ACTN4: variants seen among roughly 807,000 people sequenced by gnomAD.
The protein encoded by ACTN4 is actinin alpha 4, also known as alpha-actinin-4.
A neutral mutation model predicts 114.2 loss-of-function variants in ACTN4; 18 were observed. That is an observed-to-expected ratio of 0.16 (90% CI 0.11 to 0.23). The LOEUF (loss-of-function observed/expected upper bound fraction) is 0.23, where lower values mean the gene tolerates loss of function less well. ACTN4 is among the 10% of genes least tolerant of loss of function. The pLI is 1.00. For missense variants in ACTN4, 722 were observed against 1,262.9 expected (o/e 0.57, Z 6.49); for synonymous variants, 515 against 506.3 (o/e 1.02, Z -0.23).
rs143746503 is a variant in ACTN4 at position 38,710,113 on chromosome 19, G to A, written c.734-144G>A. 251 of 830,702 alleles carry A rather than the reference G, an allele frequency of 3.0e-4. No individual in the cohort carries two copies. In the African/African-American group the frequency reaches 3.4e-3, roughly 11 times the overall value. The allele number at this position is 830,702 out of a possible 1,614,324, so 51.5% of individuals were successfully genotyped here. A position where few individuals can be genotyped will look rare whatever the true frequency, so the allele number is the denominator to read the frequency against. ...CATGGGAGAGGGAGGGGCTGAGGGT[G>A]TGGCTGAGCCCACCCAAGTCACGCG... is the stretch of plus-strand genomic sequence containing the variant. On this transcript the variant is annotated intron_variant, in intron 7 of 20. Transcript: ENST00000252699.
rs1202093647 is a variant in ACTN4 at position 38,730,430 on chromosome 19, CTTT to C, written c.*1006_*1008del. ...TGGTTGATGGTTTTGCTCCCCCTACCTTTTTTTTTTGAGTTTATTCTGATTGAT... is the reference window on the plus strand; with the variant it reads ...TGGTTGATGGTTTTGCTCCCCCTACCTTTTTTTGAGTTTATTCTGATTGAT... On this transcript the variant is annotated 3_prime_UTR_variant, in exon 21 of 21. Coordinates refer to ENST00000252699, the MANE Select transcript of ACTN4 (RefSeq NM_004924.6). 2 of 175,920 alleles carry C rather than the reference CTTT, an allele frequency of 1.1e-5. No homozygotes were observed. The highest frequency in any genetic ancestry group is 2.4e-5 in the Non-Finnish European group (2 of 83,082). 10.9% of individuals were successfully genotyped at this position (175,920 alleles called of 1,614,324 possible). A position where few individuals can be genotyped will look rare whatever the true frequency, so the allele number is the denominator to read the frequency against.
In ACTN4 at chr19:38,731,341, G is replaced by A. The variant is rs904644770; in HGVS notation, c.*1909G>A. 1.5e-5 allele frequency: 11 copies of A among 750,540 alleles called. No individual in the cohort carries two copies. The African/African-American group carries it at 1.5e-4, about 10-fold the overall frequency. The allele number at this position is 750,540 out of a possible 1,614,324, so 46.5% of individuals were successfully genotyped here. On this transcript the variant is annotated 3_prime_UTR_variant, in exon 21 of 21. Coordinates refer to ENST00000252699, the MANE Select transcript of ACTN4 (RefSeq NM_004924.6). ...CCACAGGGTGTCACACCCCAACTCT[G>A]CCCCATCCCGGCAGGGTGAGTACAG...
chr19:38,730,029 C>G lies in ACTN4; in HGVS notation c.*597C>G. The G allele has an allele frequency of 4.6e-6, 1 of 218,362 alleles. No individual in the cohort carries two copies. Among genetic ancestry groups the G allele is most frequent in the South Asian group, 5.6e-5 (1 of 17,848 alleles). 13.5% of individuals were successfully genotyped at this position (218,362 alleles called of 1,614,324 possible). ...AGACCGGGCCCCCCTGAACCGCACC[C>G]CATCCCACCAGCCCCGGCCTTGCTT... On this transcript the variant is annotated 3_prime_UTR_variant, in exon 21 of 21. Transcript: ENST00000252699.
In ACTN4 at chr19:38,727,831, T is replaced by C; in HGVS notation, c.2338-115T>C. On this transcript the variant is annotated intron_variant, in intron 18 of 20. Transcript: ENST00000252699. The surrounding 1 kb of genome is among the most constrained non-coding windows in gnomAD (Gnocchi z 5.4). ...TCCTTGTCCATGTTGCCTCTAACTC[T>C]GTGTTTCCCTCCCCTACGTGTCCCT... 1 of 978,006 alleles carries C rather than the reference T, an allele frequency of 1.0e-6. No homozygotes were observed. Among genetic ancestry groups the C allele is most frequent in the Non-Finnish European group, 1.6e-6 (1 of 634,856 alleles). The allele number at this position is 978,006 out of a possible 1,614,324, so 60.6% of individuals were successfully genotyped here. A position where few individuals can be genotyped will look rare whatever the true frequency, so the allele number is the denominator to read the frequency against.
At chr19:38,677,269 G>A (rs1376884119) in intron 1 of ACTN4, among the ~76,000 whole-genome samples, 2 of 152,220 alleles carry the variant, frequency 1.3e-5, no homozygotes, top group Non-Finnish European at 2.9e-5. Context: ...AGCAGAGAGA[G>A]AATCTATTTT....
chr19:38,716,730 G>C (rs1968853510), intron 9 of ACTN4, among the ~76,000 whole-genome samples: 1 of 152,238 alleles, frequency 6.6e-6, no homozygotes, highest in African/African-American at 2.4e-5. Context: ...CCAACTACTT[G>C]GGAGACTGAG....
In ACTN4 at chr19:38,647,903, G is replaced by A; in HGVS notation, c.158G>A (p.Arg53His). The A allele has an allele frequency of 2.7e-6, 4 of 1,502,696 alleles. No homozygotes were observed. Among genetic ancestry groups the A allele is most frequent in the Non-Finnish European group, 2.7e-6 (3 of 1,124,538 alleles). The allele number at this position is 1,502,696 out of a possible 1,614,324, so 93.1% of individuals were successfully genotyped here. Residue 53 changes from arginine (R) to histidine (H), a missense_variant, in exon 1 of 21, where the codon CGC (arginine) becomes CAC (histidine). Arg to His is a conservative substitution (Grantham distance 29). Coordinates refer to ENST00000252699, the MANE Select transcript of ACTN4 (RefSeq NM_004924.6). Reference sequence around the variant, plus strand: ...GACCCGGCCTGGGAGAAGCAGCAGCGCAAGGTGCGCGGCCCGCGGGCCGGA... The same window carrying A: ...GACCCGGCCTGGGAGAAGCAGCAGCACAAGGTGCGCGGCCCGCGGGCCGGA... ...LLDPAWEKQQ[R>H]KTFTAWCNSH...
intron 1 of ACTN4, among the ~76,000 whole-genome samples, chr19:38,650,892 C>T (rs1217995806): frequency 2.6e-5 from 4 of 152,160 alleles, no homozygotes; most frequent in African/African-American, 4.8e-5. Flanking sequence ...TGCGCCACCA[C>T]GCCTGGCTTT....
rs1967278473 is a variant in ACTN4, at chr19:38,673,735, ATTTATATATTTATATATATT to A, written c.162+25838_162+25857del. 1.6e-4 allele frequency among the ~76,000 whole-genome samples: 17 copies of A among 103,994 alleles called. No individual in the cohort carries two copies. In the South Asian group the frequency reaches 2.2e-3, roughly 13 times the overall value. The allele number at this position is 103,994 out of a possible 152,430, so 68.2% of individuals were successfully genotyped here. A position where few individuals can be genotyped will look rare whatever the true frequency, so the allele number is the denominator to read the frequency against. ...TATATATTTATATATACTTATATAT[ATTTATATATTTATATATATT>A]TTTATATATATATATTTATATATGT... On this transcript the variant is annotated intron_variant, in intron 1 of 20. Transcript: ENST00000252699.
intron 8 of ACTN4, among the ~76,000 whole-genome samples, chr19:38,713,927 C>T (rs1175819634): frequency 6.6e-6 from 1 of 152,196 alleles, no homozygotes; most frequent in Non-Finnish European, 1.5e-5. Context: ...AAAGCCCCAG[C>T]ACTTTTCTGC....
chr19:38,700,570 T>C (rs781428483), intron 1 of ACTN4, 30 bp from the exon 2 acceptor site: 8 of 1,583,784 alleles, frequency 5.1e-6, no homozygotes, highest in Middle Eastern at 3.3e-4. Flanking sequence ...AGGCTGACTC[T>C]GCGCACTGTC....
At chr19:38,677,613 T>C (rs1295312574) in intron 1 of ACTN4, among the ~76,000 whole-genome samples, 5 of 43,546 alleles carry the variant, frequency 1.1e-4, no homozygotes, top group Non-Finnish European at 3.2e-4. Context: ...CATCTAAAAG[T>C]GTGCTCTGGA....
chr19:38,695,954 AG>A (rs1968078207), intron 1 of ACTN4, among the ~76,000 whole-genome samples: 1 of 151,888 alleles, frequency 6.6e-6, no homozygotes, highest in South Asian at 2.1e-4. Flanking sequence ...GTAACTTTCT[AG>A]GTGTGTGACT....
rs200090201 is a variant in ACTN4 at position 38,660,393 on chromosome 19, TG to T, written c.162+12487del. On this transcript the variant is annotated intron_variant, in intron 1 of 20. Transcript: ENST00000252699. The stretch of plus-strand genomic sequence containing the variant: ...TGCTTCCCATGGACTGACTGGTTTT[TG>T]TTTTTTTTTCTTTCCTTTGAGACTG... Among the ~76,000 whole-genome samples the T allele has an allele frequency of 1.5e-3, 233 of 151,736 alleles. 1 individual carries two copies. The highest frequency in any genetic ancestry group is 4.0e-3 in the African/African-American group (165 of 41,478).
intron 1 of ACTN4, among the ~76,000 whole-genome samples, chr19:38,655,805 A>G (rs1177280659): frequency 6.6e-6 from 1 of 152,186 alleles, no homozygotes; most frequent in African/African-American, 2.4e-5. Context: ...TGTAAGATAA[A>G]ACGATGTGTA....
chr19:38,654,545 G>A (rs1976658077), intron 1 of ACTN4, among the ~76,000 whole-genome samples: 1 of 146,058 alleles, frequency 6.8e-6, no homozygotes. Context: ...CTGGACGACA[G>A]AGTAAGGCTC....
Position 38,730,251 on chromosome 19 carries a change from G to A in ACTN4, c.*819G>A, listed in dbSNP as rs1969472522. ...TATTATATAAATATATATTCACCTA[G>A]CAACATATCTCTGCCGTCTCTCCTG... On this transcript the variant is annotated 3_prime_UTR_variant, in exon 21 of 21. Transcript: ENST00000252699. The A allele has an allele frequency of 6.3e-6, 1 of 158,010 alleles. No individual in the cohort carries two copies. The highest frequency in any genetic ancestry group is 2.4e-5 in the African/African-American group (1 of 41,228). 9.8% of individuals were successfully genotyped at this position (158,010 alleles called of 1,614,324 possible).
intron 1 of ACTN4, among the ~76,000 whole-genome samples, chr19:38,679,568 C>CGTGTGTGTGTGTGTGTGTGT (rs10583743): frequency 5.8e-4 from 84 of 145,516 alleles, no homozygotes; most frequent in Admixed American, 1.7e-3. Flanking sequence ...TTTGGGTGTG[C>CGTGTGTGTGTGTGTGTGTGT]GTGTGTGTGT....
Position 38,725,919 on chromosome 19 carries a change from G to T in ACTN4, c.2190+16G>T. 1 of 1,613,200 alleles carries T rather than the reference G, an allele frequency of 6.2e-7. No homozygotes were observed. On this transcript the variant is annotated intron_variant, in intron 17 of 20. Coordinates refer to ENST00000252699, the MANE Select transcript of ACTN4 (RefSeq NM_004924.6). ...TACCATGGAGGTGCGCGGCTGCCCC[G>T]CCCGCTGGCCTTTCCACCAGCATGG...
Sources: gnomAD v4.1 joint callset for allele counts (sites outside exome capture counted in the v4.1 genomes callset) on GRCh38, gnomAD v4.1.1 for gene constraint, Gnocchi (gnomAD v3.1) non-coding constraint, MANE v1.5 for transcripts, NCBI Gene and HGNC (gene_info 2026-07-23, HGNC 2026-07-21) for gene names.